The following DIP2C variants were observed in gnomAD, a reference collection of about 807,000 sequenced individuals.
DIP2C encodes disco-interacting protein 2 homolog C.
A neutral mutation model predicts 192.4 loss-of-function variants in DIP2C; 33 were observed. That is an observed-to-expected ratio of 0.17 (90% CI 0.13 to 0.23). DIP2C has a LOEUF of 0.23. Among genes scored for constraint, DIP2C ranks in the 10% least tolerant of loss-of-function variants. The pLI, the probability that DIP2C is intolerant of heterozygous loss-of-function variation, is 1.00. For missense variants in DIP2C, 1,537 were observed against 2,110.1 expected, an observed-to-expected ratio of 0.73 and a Z score of 5.32; for synonymous variants, 979 against 864.1, an observed-to-expected ratio of 1.13 and a Z score of -2.33.
chr10:586,955 T>G (rs898326292), intron 1 of DIP2C, among the ~76,000 whole-genome samples: 24 of 143,158 alleles, frequency 1.7e-4, no homozygotes, highest in African/African-American at 2.9e-4. Context: ...AACAGTGCAG[T>G]GTCTAAGGCC....
chr10:444,361 A>G (rs61837240), intron 3 of DIP2C, among the ~76,000 whole-genome samples: 413 of 54,554 alleles, frequency 7.6e-3, no homozygotes, highest in Middle Eastern at 0.042. Flanking sequence ...CCCACGGCAT[A>G]GTGTTCACTC....
rs986883192 is a variant in DIP2C, at chr10:424,911, C to T, written c.395-1878G>A. On this transcript the variant is annotated intron_variant, in intron 4 of 36. Coordinates refer to ENST00000280886, the MANE Select transcript of DIP2C (RefSeq NM_014974.3). ...CAAACCAAACAAACAGCATATGACACGGATGATACAGCATAACCAACGGTG... is the reference window on the plus strand; with the variant it reads ...CAAACCAAACAAACAGCATATGACATGGATGATACAGCATAACCAACGGTG... Among the ~76,000 whole-genome samples, 10 of 152,274 alleles carry T rather than the reference C, an allele frequency of 6.6e-5. No individual in the cohort carries two copies. In the South Asian group the frequency reaches 1.2e-3, roughly 19 times the overall value.
At chr10:390,520 CAGA>C in intron 11 of DIP2C, 147 bp from the exon 12 acceptor site, 4 of 1,061,728 alleles carry the variant, frequency 3.8e-6, no homozygotes, top group Admixed American at 2.2e-5. Flanking sequence ...AAGACATCAA[CAGA>C]AGAGCACCCA....
At chr10:352,719 C>A (rs1241480156) in intron 24 of DIP2C, among the ~76,000 whole-genome samples, 5 of 152,192 alleles carry the variant, frequency 3.3e-5, no homozygotes, top group African/African-American at 1.2e-4. Flanking sequence ...TCCTGGCTCA[C>A]GTTGCAGGCT....
intron 1 of DIP2C, among the ~76,000 whole-genome samples, chr10:620,179 C>G (rs535911636): frequency 1.3e-5 from 2 of 152,302 alleles, no homozygotes; most frequent in Admixed American, 6.5e-5. Context: ...TCTTACAAGG[C>G]CATTTTATTT....
intron 6 of DIP2C, among the ~76,000 whole-genome samples, chr10:417,922 G>GCACC (rs1564686069): frequency 3.0e-4 from 31 of 104,134 alleles, no homozygotes; most frequent in Non-Finnish European, 3.8e-4. Flanking sequence ...CTGTCCACCT[G>GCACC]TTCCTGTCAG....
chr10:444,285 G>A (rs1967975801), intron 3 of DIP2C, among the ~76,000 whole-genome samples: 1 of 150,442 alleles, frequency 6.6e-6, no homozygotes, highest in Admixed American at 6.6e-5. Flanking sequence ...GTTCATTCAT[G>A]AGGAGTGTTC....
At chr10:573,732 A>C (rs1171093255) in intron 1 of DIP2C, among the ~76,000 whole-genome samples, 1 of 152,130 alleles carries the variant, frequency 6.6e-6, no homozygotes, top group Non-Finnish European at 1.5e-5. Flanking sequence ...TTTCTTTTTA[A>C]GTGATTATGT....
At chr10:372,991 T>C (rs916489994) in intron 17 of DIP2C, among the ~76,000 whole-genome samples, 1 of 152,354 alleles carries the variant, frequency 6.6e-6, no homozygotes, top group Admixed American at 6.5e-5. Context: ...CTTTCATGCA[T>C]AGGGACTCGC....
At chr10:493,650 G>C (rs998688708) in intron 1 of DIP2C, among the ~76,000 whole-genome samples, 8 of 152,188 alleles carry the variant, frequency 5.3e-5, no homozygotes, top group Admixed American at 1.3e-4. Flanking sequence ...ACAGACAGAG[G>C]GAGAGACCCC....
chr10:309,179 C>G (rs939905897), intron 32 of DIP2C, among the ~76,000 whole-genome samples: 4 of 152,168 alleles, frequency 2.6e-5, no homozygotes, highest in Non-Finnish European at 4.4e-5. Context: ...TCTTTCCTTC[C>G]TCTCTGGCAT....
In DIP2C at chr10:511,880, C is replaced by T. The variant is rs78713315; in HGVS notation, c.86-25350G>A. Reference sequence around the variant, plus strand: ...GAGCCTGGCTTTAACCTGTGTGACACGATAACACCGTGTATATCTGTCCTT... The same window carrying T: ...GAGCCTGGCTTTAACCTGTGTGACATGATAACACCGTGTATATCTGTCCTT... On this transcript the variant is annotated intron_variant, in intron 1 of 36. Coordinates refer to ENST00000280886, the MANE Select transcript of DIP2C (RefSeq NM_014974.3). 3.9e-3 allele frequency among the ~76,000 whole-genome samples: 589 copies of T among 152,358 alleles called. 2 individuals are homozygous for T. The highest frequency in any genetic ancestry group is 6.6e-3 in the Non-Finnish European group (450 of 68,040).
intron 1 of DIP2C, among the ~76,000 whole-genome samples, chr10:544,735 T>C (rs1848186490): frequency 1.3e-5 from 2 of 152,254 alleles, no homozygotes; most frequent in Admixed American, 1.3e-4. Flanking sequence ...TATCTTTCTT[T>C]GGAGAATGTC....
chr10:561,415 AAGGCCTGAG>A (rs1171759920), intron 1 of DIP2C, among the ~76,000 whole-genome samples: 1 of 152,188 alleles, frequency 6.6e-6, no homozygotes, highest in African/African-American at 2.4e-5. Flanking sequence ...CCCATGTCCC[AAGGCCTGAG>A]AGACCTGCAC....
chr10:518,917 A>G (rs887953133), intron 1 of DIP2C, among the ~76,000 whole-genome samples: 4 of 152,354 alleles, frequency 2.6e-5, no homozygotes, highest in South Asian at 4.1e-4. Flanking sequence ...GTCAGTCTGA[A>G]GCCTGTAACT....
chr10:584,032 G>C (rs1850825819), intron 1 of DIP2C, among the ~76,000 whole-genome samples: 1 of 152,128 alleles, frequency 6.6e-6, no homozygotes, highest in Admixed American at 6.5e-5. Context: ...CTGTCCCTTG[G>C]TGTCTGTCCT....
intron 1 of DIP2C, among the ~76,000 whole-genome samples, chr10:533,393 C>A (rs552263811): frequency 1.3e-5 from 2 of 152,238 alleles, no homozygotes; most frequent in South Asian, 4.2e-4. Flanking sequence ...GCCGCACAGC[C>A]CGGGCACCAT....
intron 1 of DIP2C, among the ~76,000 whole-genome samples, chr10:511,203 A>G (rs1451574431): frequency 2.6e-5 from 4 of 152,182 alleles, no homozygotes; most frequent in Admixed American, 2.6e-4. Context: ...AGGGGGCAGG[A>G]GAGAGCAGCA....
At chr10:290,031 C>T (rs937179281) in intron 32 of DIP2C, among the ~76,000 whole-genome samples, 3 of 152,218 alleles carry the variant, frequency 2.0e-5, no homozygotes, top group African/African-American at 7.2e-5. Context: ...CGGGGAGGAT[C>T]CTCTGTGGCG....
Sources: allele counts gnomAD v4.1 joint callset (sites outside exome capture counted in the v4.1 genomes callset), GRCh38; gene constraint gnomAD v4.1.1; transcripts MANE v1.5; gene names NCBI Gene and HGNC (gene_info 2026-07-23, HGNC 2026-07-21).